MAGI1: variants seen among roughly 807,000 people sequenced by gnomAD.
MAGI1 encodes the protein membrane-associated guanylate kinase, WW and PDZ domain-containing protein 1.
MAGI1 carries 58 observed loss-of-function variants against 139.9 expected under a neutral mutation model. The ratio of observed to expected loss-of-function variants is 0.41; its 90% CI spans 0.34 to 0.52. The LOEUF is 0.52. MAGI1 is among the 20% of genes least tolerant of loss of function. The pLI is 0.12. For missense variants in MAGI1, 1,874 were observed against 1,901.6 expected, an observed-to-expected ratio of 0.99 and a Z score of 0.27; for synonymous variants, 812 against 737.9, an observed-to-expected ratio of 1.10 and a Z score of -1.63.
chr3:65,515,335 A>G (rs1261213660), intron 2 of MAGI1, among the ~76,000 whole-genome samples: 1 of 152,154 alleles, frequency 6.6e-6, no homozygotes. Flanking sequence ...TGAAGACAGC[A>G]ATTTTTTAAA....
chr3:65,369,653 C>A (rs1367441217), intron 18 of MAGI1, among the ~76,000 whole-genome samples: 1 of 152,078 alleles, frequency 6.6e-6, no homozygotes, highest in African/African-American at 2.4e-5. Flanking sequence ...GGACTACAGG[C>A]ACGCGCCACC....
chr3:65,793,129 T>G (rs554217210), intron 1 of MAGI1, among the ~76,000 whole-genome samples: 4 of 152,328 alleles, frequency 2.6e-5, no homozygotes, highest in African/African-American at 9.6e-5. Context: ...GAAGTCATGC[T>G]TGGGAAGACA....
At chr3:65,393,816 A>G (rs1944143396) in intron 13 of MAGI1, among the ~76,000 whole-genome samples, 1 of 152,220 alleles carries the variant, frequency 6.6e-6, no homozygotes, top group African/African-American at 2.4e-5. Flanking sequence ...GATTACCTGC[A>G]GGAAACAGCC....
chr3:65,534,578 T>C (rs564687252), intron 2 of MAGI1, among the ~76,000 whole-genome samples: 162 of 152,274 alleles, frequency 1.1e-3, no homozygotes, highest in Admixed American at 0.01. Flanking sequence ...GGCAAGTGTC[T>C]GCATAACCAT....
intron 1 of MAGI1, among the ~76,000 whole-genome samples, chr3:65,850,203 T>C (rs977036660): frequency 6.6e-6 from 1 of 152,202 alleles, no homozygotes; most frequent in African/African-American, 2.4e-5. Flanking sequence ...TTTGAACCCA[T>C]GTGTTTGTGT....
chr3:65,697,177 G>T (rs2089277094), intron 1 of MAGI1, among the ~76,000 whole-genome samples: 1 of 152,020 alleles, frequency 6.6e-6, no homozygotes, highest in African/African-American at 2.4e-5. Context: ...AAACCAGGAA[G>T]AAGTTGAATC....
At chr3:65,498,580 T>C (rs2107689479) in intron 2 of MAGI1, among the ~76,000 whole-genome samples, 1 of 152,266 alleles carries the variant, frequency 6.6e-6, no homozygotes, top group African/African-American at 2.4e-5. Context: ...GTAAGGATTA[T>C]TATTACCCTC....
rs150700707 is a variant in MAGI1 at position 65,889,279 on chromosome 3, T to G, written c.313+148717A>C. Among the ~76,000 whole-genome samples, 378 of 152,270 alleles carry G rather than the reference T, an allele frequency of 2.5e-3. 2 individuals are homozygous for G. Among genetic ancestry groups the G allele is most frequent in the African/African-American group, 8.5e-3 (354 of 41,562 alleles). On this transcript the variant is annotated intron_variant, in intron 1 of 22. Transcript: ENST00000402939. ...ATCATCTGATATGTAGGAGAGAATG[T>G]GGGCAAGGAGATGGGAAAGATCCAT...
intron 1 of MAGI1, among the ~76,000 whole-genome samples, chr3:65,897,972 C>T (rs2061053519): frequency 6.6e-6 from 1 of 152,092 alleles, no homozygotes; most frequent in Non-Finnish European, 1.5e-5. Flanking sequence ...TAAAGGCATA[C>T]TGTTTTCAGA....
At chr3:65,934,156 T>G (rs898221003) in intron 1 of MAGI1, among the ~76,000 whole-genome samples, 1 of 151,492 alleles carries the variant, frequency 6.6e-6, no homozygotes, top group Admixed American at 6.6e-5. Context: ...AAATCCCTAT[T>G]CCTTCAAAGA....
intron 1 of MAGI1, among the ~76,000 whole-genome samples, chr3:65,881,459 T>C (rs528043821): frequency 6.6e-6 from 1 of 152,082 alleles, no homozygotes; most frequent in East Asian, 1.9e-4. Flanking sequence ...AGACCCCATC[T>C]CTAAAAAATT....
chr3:65,659,263 G>A (rs759142802), intron 1 of MAGI1, among the ~76,000 whole-genome samples: 1 of 152,094 alleles, frequency 6.6e-6, no homozygotes, highest in African/African-American at 2.4e-5. Context: ...GTGATCACAG[G>A]AGAATGGAAA....
intron 2 of MAGI1, among the ~76,000 whole-genome samples, chr3:65,521,216 T>C (rs916839943): frequency 6.6e-6 from 1 of 151,724 alleles, no homozygotes; most frequent in Non-Finnish European, 1.5e-5. Context: ...TCCACTTTAT[T>C]ACAGAGATTA....
intron 1 of MAGI1, among the ~76,000 whole-genome samples, chr3:65,730,113 T>C (rs1040505066): frequency 1.3e-5 from 2 of 152,212 alleles, no homozygotes; most frequent in Non-Finnish European, 2.9e-5. Context: ...AATATACTGC[T>C]GTGGAATTGG....
chr3:66,011,658 C>G (rs965732514), intron 1 of MAGI1, among the ~76,000 whole-genome samples: 11 of 152,092 alleles, frequency 7.2e-5, no homozygotes, highest in African/African-American at 2.7e-4. Flanking sequence ...AGAACCATCT[C>G]AATGTCAGAG....
rs553366591 is a variant in MAGI1, at chr3:65,841,938, A to G, written c.313+196058T>C. 1.3e-4 allele frequency among the ~76,000 whole-genome samples: 20 copies of G among 152,356 alleles called. No homozygotes were observed. The South Asian group carries it at 2.9e-3, about 22-fold the overall frequency. On this transcript the variant is annotated intron_variant, in intron 1 of 22. Transcript: ENST00000402939. The stretch of plus-strand genomic sequence containing the variant: ...GCGCAACTGGGGTTCATTTCAAAAA[A>G]CAGGATCCTTATCTATTTTGGTACT...
At chr3:65,797,085 T>C (rs969971955) in intron 1 of MAGI1, among the ~76,000 whole-genome samples, 1 of 152,238 alleles carries the variant, frequency 6.6e-6, no homozygotes, top group African/African-American at 2.4e-5. Context: ...TGATTATCTA[T>C]TAAACATGAA....
intron 2 of MAGI1, among the ~76,000 whole-genome samples, chr3:65,498,367 T>C (rs1286188253): frequency 6.6e-6 from 1 of 151,530 alleles, no homozygotes; most frequent in East Asian, 1.9e-4. Flanking sequence ...TAGCTAGAAA[T>C]TGGGCCAACG....
chr3:65,412,145 CTT>C (rs1295401528), intron 12 of MAGI1, among the ~76,000 whole-genome samples: 1 of 152,176 alleles, frequency 6.6e-6, no homozygotes, highest in Non-Finnish European at 1.5e-5. Flanking sequence ...CCTCCTATCT[CTT>C]TACTTCCTCC....
Sources: gnomAD v4.1 joint callset for allele counts (sites outside exome capture counted in the v4.1 genomes callset) on GRCh38, gnomAD v4.1.1 for gene constraint, MANE v1.5 for transcripts, NCBI Gene and HGNC (gene_info 2026-07-23, HGNC 2026-07-21) for gene names.